The following LRRTM3 variants were observed in gnomAD, a reference collection of about 807,000 sequenced individuals.
The protein encoded by LRRTM3 is leucine-rich repeat transmembrane neuronal protein 3.
Under a neutral mutation model 44.7 loss-of-function variants are expected in LRRTM3, and 24 were observed. The ratio of observed to expected loss-of-function variants is 0.54; its 90% CI spans 0.39 to 0.76. The LOEUF is 0.76. Among genes scored for constraint, LRRTM3 ranks in the 30% least tolerant of loss-of-function variants. The pLI is 0.00. For synonymous variants in LRRTM3, 277 were observed against 278.7 expected (o/e 0.99, Z 0.06); for missense variants, 587 against 702.2 (o/e 0.84, Z 1.85).
intron 2 of LRRTM3, among the ~76,000 whole-genome samples, chr10:67,034,220 G>A (rs1210438122): frequency 2.0e-5 from 3 of 152,100 alleles, no homozygotes; most frequent in Non-Finnish European, 4.4e-5. Flanking sequence ...CAGGGCAACC[G>A]GGATCACTTT....
chr10:66,945,019 C>A (rs1219006113), intron 2 of LRRTM3, among the ~76,000 whole-genome samples: 1 of 152,122 alleles, frequency 6.6e-6, no homozygotes, highest in Non-Finnish European at 1.5e-5. Context: ...TAGCATCATT[C>A]TTAAGGGCCC....
intron 2 of LRRTM3, among the ~76,000 whole-genome samples, chr10:67,095,865 T>C (rs1857958887): frequency 6.6e-6 from 1 of 151,902 alleles, no homozygotes; most frequent in South Asian, 2.1e-4. Flanking sequence ...CACATTTACT[T>C]TTACATAAAA....
intron 2 of LRRTM3, among the ~76,000 whole-genome samples, chr10:67,081,883 T>TTCACTAGTTTAC (rs1857077543): frequency 6.6e-6 from 1 of 152,212 alleles, no homozygotes. Flanking sequence ...GCCCTGTTTA[T>TTCACTAGTTTAC]TCACTAGTTT....
At chr10:67,069,815 C>G (rs1284790397) in intron 2 of LRRTM3, among the ~76,000 whole-genome samples, 1 of 152,018 alleles carries the variant, frequency 6.6e-6, no homozygotes, top group Non-Finnish European at 1.5e-5. Flanking sequence ...TTCTTTTTAC[C>G]TAAGGACCCA....
intron 2 of LRRTM3, among the ~76,000 whole-genome samples, chr10:67,016,999 T>G (rs7897274): frequency 6.6e-6 from 1 of 152,044 alleles, no homozygotes; most frequent in African/African-American, 2.4e-5. Context: ...CTTCTATATA[T>G]GAGAAGAACC....
At chr10:66,928,562 T>A (rs1211297684) in intron 2 of LRRTM3, 110 bp downstream of exon 2, 1 of 989,832 alleles carries the variant, frequency 1.0e-6, no homozygotes, top group East Asian at 2.6e-5. Flanking sequence ...CCCTTCCCTC[T>A]CCCTCTCACT....
At chr10:67,074,034 C>CTTTTTTT (rs35411851) in intron 2 of LRRTM3, among the ~76,000 whole-genome samples, 15 of 109,452 alleles carry the variant, frequency 1.4e-4, no homozygotes, top group South Asian at 7.0e-4. Context: ...CATTTTAACT[C>CTTTTTTT]TTTTTTTTTT....
At chr10:66,977,161 G>A (rs576626230) in intron 2 of LRRTM3, among the ~76,000 whole-genome samples, 39 of 152,238 alleles carry the variant, frequency 2.6e-4, no homozygotes, top group Non-Finnish European at 4.9e-4. Flanking sequence ...AAGGTTGGCC[G>A]GGCACGGTGG....
intron 2 of LRRTM3, among the ~76,000 whole-genome samples, chr10:67,076,193 T>G (rs143271180): frequency 7.2e-5 from 11 of 152,358 alleles, no homozygotes; most frequent in South Asian, 4.1e-4. Flanking sequence ...AGCTACAATT[T>G]TTCCAGCACT....
At chr10:67,070,135 T>A (rs1177184671) in intron 2 of LRRTM3, among the ~76,000 whole-genome samples, 1 of 152,234 alleles carries the variant, frequency 6.6e-6, no homozygotes, top group Admixed American at 6.5e-5. Context: ...TTTGCATTAG[T>A]ATAATGATTG....
At chr10:66,995,771 C>A (rs1851292382) in intron 2 of LRRTM3, among the ~76,000 whole-genome samples, 1 of 152,140 alleles carries the variant, frequency 6.6e-6, no homozygotes, top group African/African-American at 2.4e-5. Context: ...TTGCCTTTAA[C>A]CTGATGAATT....
chr10:67,025,696 C>T (rs1356646102), intron 2 of LRRTM3, among the ~76,000 whole-genome samples: 1 of 152,082 alleles, frequency 6.6e-6, no homozygotes, highest in Non-Finnish European at 1.5e-5. Context: ...ACAACAACAA[C>T]AAGTATTGTT....
rs1286767908 is a variant in LRRTM3 at position 66,968,020 on chromosome 10, C to T, written c.1536+39568C>T. Reference sequence around the variant, plus strand: ...CTTTATATAAAAGTCTAAGTCTATACTAAAAGAAAAGAAATTTATACTCTG... The same window carrying T: ...CTTTATATAAAAGTCTAAGTCTATATTAAAAGAAAAGAAATTTATACTCTG... On this transcript the variant is annotated intron_variant, in intron 2 of 2. Transcript: ENST00000361320. 2.6e-5 allele frequency among the ~76,000 whole-genome samples: 4 copies of T among 152,070 alleles called. No homozygotes were observed. In the South Asian group the frequency reaches 6.2e-4, roughly 24 times the overall value.
intron 2 of LRRTM3, among the ~76,000 whole-genome samples, chr10:67,017,527 C>T (rs755321954): frequency 2.0e-5 from 3 of 152,148 alleles, no homozygotes. Flanking sequence ...AACCACAATC[C>T]ATCCTCTATG....
At chr10:66,979,292 T>C (rs943622351) in intron 2 of LRRTM3, among the ~76,000 whole-genome samples, 41 of 152,112 alleles carry the variant, frequency 2.7e-4, no homozygotes, top group African/African-American at 8.2e-4. Flanking sequence ...AGTAGGACTT[T>C]TAGAATTGGT....
At chr10:66,928,706 C>T (rs970111948) in intron 2 of LRRTM3, among the ~76,000 whole-genome samples, 1 of 152,164 alleles carries the variant, frequency 6.6e-6, no homozygotes, top group Admixed American at 6.5e-5. Context: ...TAATATAATA[C>T]CTATTGTATA....
intron 2 of LRRTM3, among the ~76,000 whole-genome samples, chr10:67,092,676 T>C (rs942725465): frequency 1.3e-5 from 2 of 151,996 alleles, no homozygotes; most frequent in African/African-American, 2.4e-5. Flanking sequence ...CAAACTCAAA[T>C]ATTACATATG....
intron 2 of LRRTM3, among the ~76,000 whole-genome samples, chr10:67,047,732 C>CATTAA (rs1262777561): frequency 3.3e-5 from 5 of 152,116 alleles, no homozygotes; most frequent in East Asian, 3.9e-4. Context: ...AAAGCTATTA[C>CATTAA]ATTAAATTAA....
intron 2 of LRRTM3, among the ~76,000 whole-genome samples, chr10:67,039,743 C>A (rs1163711723): frequency 1.3e-5 from 2 of 152,088 alleles, no homozygotes; most frequent in African/African-American, 4.8e-5. Flanking sequence ...AAAATCGAAA[C>A]AAGCAAGTAG....
Sources: gnomAD v4.1 joint callset for allele counts (sites outside exome capture counted in the v4.1 genomes callset) on GRCh38, gnomAD v4.1.1 for gene constraint, MANE v1.5 for transcripts, NCBI Gene and HGNC (gene_info 2026-07-23, HGNC 2026-07-21) for gene names.